B3GALT1: variants seen among roughly 807,000 people sequenced by gnomAD.
B3GALT1 encodes the protein beta-1,3-galactosyltransferase 1, also known as UDP-Gal:betaGlcNAc beta 1,3-galactosyltransferase, polypeptide 1.
In B3GALT1, 10 loss-of-function variants were observed where a neutral mutation model predicts 23.2. The ratio of observed to expected loss-of-function variants is 0.43; its 90% confidence interval spans 0.27 to 0.73. B3GALT1 has a LOEUF of 0.73. B3GALT1 is among the 30% of genes least tolerant of loss of function. B3GALT1 has a pLI of 0.21. For missense variants in B3GALT1, 299 were observed against 405.4 expected, an observed-to-expected ratio of 0.74 and a Z score of 2.25; for synonymous variants, 156 against 141.5, an observed-to-expected ratio of 1.10 and a Z score of -0.73.
rs529954890 is a variant in B3GALT1 at position 167,676,480 on chromosome 2, T to TAC, written c.-352+29528_-352+29529dup. On this transcript the variant is annotated intron_variant, in intron 3 of 4. Coordinates refer to ENST00000392690, the MANE Select transcript of B3GALT1 (RefSeq NM_020981.4). ...CTTCCCATCTAACCTTATATATATA[T>TAC]ACACACACACACACATGCACACACG... 1.7e-3 allele frequency among the ~76,000 whole-genome samples: 254 copies of TAC among 149,436 alleles called. 1 individual carries two copies. The highest frequency in any genetic ancestry group is 5.5e-3 in the African/African-American group (224 of 40,554).
At chr2:167,756,233 T>G (rs1160093175) in intron 3 of B3GALT1, among the ~76,000 whole-genome samples, 2 of 151,930 alleles carry the variant, frequency 1.3e-5, no homozygotes, top group Non-Finnish European at 2.9e-5. Context: ...TTCCAACTGC[T>G]AAGATATTCC....
chr2:167,297,621 A>C (rs1220669086), intron 1 of B3GALT1, among the ~76,000 whole-genome samples: 1 of 152,140 alleles, frequency 6.6e-6, no homozygotes, highest in Non-Finnish European at 1.5e-5. Flanking sequence ...TATGCAAAAA[A>C]AGCTGTACAA....
intron 1 of B3GALT1, among the ~76,000 whole-genome samples, chr2:167,433,419 A>G (rs1407022723): frequency 1.3e-5 from 2 of 152,202 alleles, no homozygotes; most frequent in Admixed American, 6.5e-5. Flanking sequence ...ATTTAAAAAA[A>G]TTATATGTGT....
intron 1 of B3GALT1, among the ~76,000 whole-genome samples, chr2:167,340,993 A>G (rs950380654): frequency 6.6e-6 from 1 of 152,188 alleles, no homozygotes; most frequent in Non-Finnish European, 1.5e-5. Context: ...ACAACAAAAT[A>G]AATAAAACAA....
chr2:167,762,905 T>A (rs1687918077), intron 3 of B3GALT1, among the ~76,000 whole-genome samples: 1 of 152,238 alleles, frequency 6.6e-6, no homozygotes, highest in South Asian at 2.1e-4. Flanking sequence ...CAAAAATGCT[T>A]GCTTTAGAGC....
chr2:167,516,194 C>T (rs1458236376), intron 2 of B3GALT1, among the ~76,000 whole-genome samples: 1 of 151,928 alleles, frequency 6.6e-6, no homozygotes, highest in Non-Finnish European at 1.5e-5. Context: ...TTTTTTTCTG[C>T]TAAGAGATAT....
chr2:167,434,841 A>G (rs1442146929), intron 1 of B3GALT1, among the ~76,000 whole-genome samples: 1 of 152,004 alleles, frequency 6.6e-6, no homozygotes, highest in Admixed American at 6.6e-5. Context: ...ATGAAATTAG[A>G]AAATGTGTCA....
chr2:167,532,948 A>G (rs1486300943), intron 2 of B3GALT1, among the ~76,000 whole-genome samples: 1 of 139,032 alleles, frequency 7.2e-6, no homozygotes, highest in East Asian at 2.1e-4. Flanking sequence ...TGCAACCTCC[A>G]CCTCGTGGGT....
chr2:167,623,441 T>C (rs929096987), intron 2 of B3GALT1, among the ~76,000 whole-genome samples: 4 of 152,156 alleles, frequency 2.6e-5, no homozygotes, highest in Non-Finnish European at 5.9e-5. Context: ...AGGATGTTCA[T>C]GTCCTTTGCA....
chr2:167,771,768 C>T (rs180685880), intron 3 of B3GALT1, among the ~76,000 whole-genome samples: 77 of 152,258 alleles, frequency 5.1e-4, no homozygotes, highest in Middle Eastern at 3.4e-3. Context: ...GATTACCCTT[C>T]TACTATGCAA....
chr2:167,564,252 A>G (rs2105393593), intron 2 of B3GALT1, among the ~76,000 whole-genome samples: 1 of 146,350 alleles, frequency 6.8e-6, no homozygotes, highest in Admixed American at 6.7e-5. Flanking sequence ...CGCTCCCCAC[A>G]TCTCAGACGA....
chr2:167,729,620 A>G (rs1687375031), intron 3 of B3GALT1, among the ~76,000 whole-genome samples: 1 of 152,108 alleles, frequency 6.6e-6, no homozygotes, highest in South Asian at 2.1e-4. Context: ...TTTTATTTAA[A>G]TCTTTAATAA....
chr2:167,532,289 T>G (rs1247807857), intron 2 of B3GALT1, among the ~76,000 whole-genome samples: 2 of 152,318 alleles, frequency 1.3e-5, no homozygotes, highest in African/African-American at 4.8e-5. Context: ...TGGTTTAACT[T>G]ATTACTGTAG....
chr2:167,477,722 C>G (rs1384895705), intron 1 of B3GALT1, among the ~76,000 whole-genome samples: 1 of 152,110 alleles, frequency 6.6e-6, no homozygotes, highest in Non-Finnish European at 1.5e-5. Context: ...GTCAATGTAC[C>G]TTGGTGTCTA....
At position 167,716,056 on chromosome 2, in the gene B3GALT1, G is replaced by A. The variant is rs1687139831; in HGVS notation, c.-352+69090G>A. ...AAGTAGGGCCGAGCGGTAGCGCCGG[G>A]CTCCTCCATAGCGCCAAGCTGCTCT... On this transcript the variant is annotated intron_variant, in intron 3 of 4. Coordinates refer to ENST00000392690, the MANE Select transcript of B3GALT1 (RefSeq NM_020981.4). The A allele has an allele frequency of 8.2e-6, 13 of 1,592,532 alleles. No individual in the cohort carries two copies. In the South Asian group the frequency reaches 1.4e-4, roughly 18 times the overall value.
intron 1 of B3GALT1, among the ~76,000 whole-genome samples, chr2:167,461,827 A>G (rs2105325882): frequency 6.6e-6 from 1 of 152,348 alleles, no homozygotes; most frequent in South Asian, 2.1e-4. Context: ...TATGTAATGT[A>G]GAGAATATAA....
intron 1 of B3GALT1, among the ~76,000 whole-genome samples, chr2:167,353,222 A>G (rs1697345356): frequency 6.6e-6 from 1 of 152,192 alleles, no homozygotes; most frequent in African/African-American, 2.4e-5. Context: ...TATATACAGG[A>G]TAATTGGGAC....
At chr2:167,517,283 G>T (rs1444321008) in intron 2 of B3GALT1, among the ~76,000 whole-genome samples, 1 of 151,582 alleles carries the variant, frequency 6.6e-6, no homozygotes, top group Non-Finnish European at 1.5e-5. Flanking sequence ...TCTCTTTAGG[G>T]CTAAAAGATT....
chr2:167,792,860 A>AT (rs371433634), intron 3 of B3GALT1, among the ~76,000 whole-genome samples: 12,443 of 144,344 alleles, frequency 0.086, 628 homozygotes, highest in Middle Eastern at 0.21. Flanking sequence ...GGGGAACAGA[A>AT]TTTTTTTTTT....
Sources: allele counts gnomAD v4.1 joint callset (sites outside exome capture counted in the v4.1 genomes callset), GRCh38; gene constraint gnomAD v4.1.1; transcripts MANE v1.5; gene names NCBI Gene and HGNC (gene_info 2026-07-23, HGNC 2026-07-21).